Variants in ITPKB observed in about 807,000 individuals in gnomAD.
The protein encoded by ITPKB is inositol-trisphosphate 3-kinase B, also known as IP3 3-kinase B.
ITPKB carries 13 observed loss-of-function variants against 69.4 expected under a neutral mutation model. The observed-to-expected ratio is 0.19, with a 90% confidence interval of 0.12 to 0.30. ITPKB has a LOEUF of 0.30. Ranked by LOEUF, ITPKB falls within the 10% of genes least tolerant of loss-of-function variation. The probability of loss-of-function intolerance (pLI) is 1.00; values close to 1 mark genes in which losing one functional copy is unlikely to be tolerated. For synonymous variants in ITPKB, 584 were observed against 513.7 expected, an observed-to-expected ratio of 1.14 and a Z score of -1.85; for missense variants, 1,240 against 1,250.5, an observed-to-expected ratio of 0.99 and a Z score of 0.13.
intron 6 of ITPKB, among the ~76,000 whole-genome samples, chr1:226,638,834 G>T (rs1173262332): frequency 6.6e-6 from 1 of 151,912 alleles, no homozygotes; most frequent in Non-Finnish European, 1.5e-5. Flanking sequence ...ATGACACCTG[G>T]CAGACGGCGG....
chr1:226,642,876 C>T lies in ITPKB; in HGVS notation c.2247-751G>A, dbSNP rs967550660. On this transcript the variant is annotated intron_variant, in intron 4 of 7. Coordinates refer to ENST00000429204, the MANE Select transcript of ITPKB (RefSeq NM_002221.4). This position sits in a 1 kb window ranked among gnomAD's most constrained non-coding sequence, Gnocchi z 6.4. ...TGCCCATAAGTGTCTCTGGCTCTTT[C>T]CAAAGAGGTGAAATCTTCTGGAGCA... 6.6e-6 allele frequency among the ~76,000 whole-genome samples: 1 copy of T among 152,198 alleles called. No homozygotes were observed. Among genetic ancestry groups the T allele is most frequent in the Non-Finnish European group, 1.5e-5 (1 of 68,020 alleles).
chr1:226,684,959 C>T (rs1470321129), intron 2 of ITPKB, among the ~76,000 whole-genome samples: 1 of 152,162 alleles, frequency 6.6e-6, no homozygotes, highest in Non-Finnish European at 1.5e-5. Flanking sequence ...GATGCTGAAC[C>T]CACAATCAGC....
rs1267858750 is a variant in ITPKB at position 226,721,181 on chromosome 1, T to TA, written c.1932+14345dup. Among the ~76,000 whole-genome samples the TA allele has an allele frequency of 7.5e-4, 106 of 141,862 alleles. 1 individual carries two copies. Among genetic ancestry groups the TA allele is most frequent in the South Asian group, 1.1e-3 (5 of 4,462 alleles). 93.1% of individuals were successfully genotyped at this position (141,862 alleles called of 152,430 possible). A position where few individuals can be genotyped will look rare whatever the true frequency, so the allele number is the denominator to read the frequency against. ...CAACATGGAGAAACCCCGTCTCTAC[T>TA]AAAAAAAAAATACAAAATTAGCCAG... On this transcript the variant is annotated intron_variant, in intron 2 of 7. Coordinates refer to ENST00000429204, the MANE Select transcript of ITPKB (RefSeq NM_002221.4).
intron 7 of ITPKB, among the ~76,000 whole-genome samples, chr1:226,635,364 G>A (rs1207003608): frequency 6.6e-6 from 1 of 152,116 alleles, no homozygotes; most frequent in Non-Finnish European, 1.5e-5. Flanking sequence ...GGGACTACAG[G>A]CATGCACCAC....
chr1:226,712,851 A>G (rs1452896318), intron 2 of ITPKB, among the ~76,000 whole-genome samples: 1 of 152,066 alleles, frequency 6.6e-6, no homozygotes, highest in Non-Finnish European at 1.5e-5. Context: ...TTGGGGAGGG[A>G]GGAAACACAC....
At chr1:226,670,405 C>T (rs777990788) in intron 2 of ITPKB, among the ~76,000 whole-genome samples, 3 of 152,046 alleles carry the variant, frequency 2.0e-5, no homozygotes, top group Admixed American at 6.6e-5. Context: ...CTCCAAAAAA[C>T]GGAAAAAGTT....
chr1:226,667,420 C>T lies in ITPKB; in HGVS notation c.1933-18649G>A, dbSNP rs573409357. The stretch of plus-strand genomic sequence containing the variant: ...CTTACTGTGGGGTCTGGCTTAAGGG[C>T]GGGGTTTCTGAAGCAGAAAGGTAAG... On this transcript the variant is annotated intron_variant, in intron 2 of 7. Coordinates refer to ENST00000429204, the MANE Select transcript of ITPKB (RefSeq NM_002221.4). Among the ~76,000 whole-genome samples, 7 of 152,242 alleles carry T rather than the reference C, an allele frequency of 4.6e-5. No individual in the cohort carries two copies. In the East Asian group the frequency reaches 1.4e-3, roughly 29 times the overall value.
At chr1:226,675,979 A>C (rs73100937) in intron 2 of ITPKB, 1 of 152,104 alleles carries the variant, frequency 6.6e-6, no homozygotes, top group African/African-American at 2.4e-5. Context: ...CTAAATAACC[A>C]AAGTGGGGGG....
chr1:226,665,443 T>C (rs1159564826), intron 2 of ITPKB, among the ~76,000 whole-genome samples: 1 of 152,080 alleles, frequency 6.6e-6, no homozygotes, highest in Non-Finnish European at 1.5e-5. Context: ...TCCCCAAAAC[T>C]GTAGGGAGGA....
At chr1:226,726,228 C>T (rs1466615259) in intron 2 of ITPKB, among the ~76,000 whole-genome samples, 3 of 152,212 alleles carry the variant, frequency 2.0e-5, no homozygotes, top group Non-Finnish European at 2.9e-5. Context: ...CTTTCAAGCA[C>T]GTTCACTTGT....
chr1:226,640,605 A>G (rs370460628), intron 5 of ITPKB, among the ~76,000 whole-genome samples: 5 of 152,326 alleles, frequency 3.3e-5, no homozygotes, highest in African/African-American at 1.2e-4. Flanking sequence ...ACGGCTGGAC[A>G]ATAGACAGAG....
At chr1:226,638,128 T>C (rs1668877986) in intron 6 of ITPKB, among the ~76,000 whole-genome samples, 1 of 152,202 alleles carries the variant, frequency 6.6e-6, no homozygotes, top group African/African-American at 2.4e-5. Flanking sequence ...ACAGAGTTCC[T>C]CAATGCCTGC....
rs181061289 is a variant in ITPKB, at chr1:226,721,390, G to A, written c.1932+14137C>T. ...AAAAAGAAATAAAAGAAATATTGAT[G>A]AGCCAGGACTCCTCCATCCTATCCT... On this transcript the variant is annotated intron_variant, in intron 2 of 7. Coordinates refer to ENST00000429204, the MANE Select transcript of ITPKB (RefSeq NM_002221.4). Among the ~76,000 whole-genome samples the A allele has an allele frequency of 7.2e-3, 1,081 of 150,090 alleles. 4 individuals are homozygous for A. The highest frequency in any genetic ancestry group is 0.011 in the Non-Finnish European group (759 of 67,604).
intron 2 of ITPKB, among the ~76,000 whole-genome samples, chr1:226,718,805 A>T (rs1047596528): frequency 1.3e-5 from 2 of 152,214 alleles, no homozygotes; most frequent in Non-Finnish European, 2.9e-5. Flanking sequence ...GCAGTGTGGC[A>T]GTTTCGTAAA....
At chr1:226,679,822 C>A (rs1656034342) in intron 2 of ITPKB, among the ~76,000 whole-genome samples, 1 of 152,142 alleles carries the variant, frequency 6.6e-6, no homozygotes, top group Non-Finnish European at 1.5e-5. Flanking sequence ...GCTCTAAATT[C>A]GATTTTGCTG....
At chr1:226,638,304 G>T (rs1218629229) in intron 6 of ITPKB, among the ~76,000 whole-genome samples, 1 of 152,230 alleles carries the variant, frequency 6.6e-6, no homozygotes, top group Non-Finnish European at 1.5e-5. Context: ...GGCTACGAAA[G>T]AGTCAGGCAC....
chr1:226,734,246 T>C lies in ITPKB; in HGVS notation c.1932+1281A>G, dbSNP rs796116508. On this transcript the variant is annotated intron_variant, in intron 2 of 7. Transcript: ENST00000429204. ...AATGCCAGGCTGATTGGGGCGATTT[T>C]GCATACACATTTGCCTCCAGATCAT... Among the ~76,000 whole-genome samples, 15 of 152,354 alleles carry C rather than the reference T, an allele frequency of 9.8e-5. 1 individual carries two copies. Among genetic ancestry groups the C allele is most frequent in the African/African-American group, 3.4e-4 (14 of 41,590 alleles).
rs890223697 is a variant in ITPKB at position 226,722,762 on chromosome 1, C to T, written c.1932+12765G>A. ...GGGCTTGGGGAGGTGTTAGGGCAGG[C>T]TGAGCCTGAGACACATATGTCTAGA... is the stretch of plus-strand genomic sequence containing the variant. On this transcript the variant is annotated intron_variant, in intron 2 of 7. Coordinates refer to ENST00000429204, the MANE Select transcript of ITPKB (RefSeq NM_002221.4). 3.9e-5 allele frequency among the ~76,000 whole-genome samples: 6 copies of T among 152,280 alleles called. No homozygotes were observed. The East Asian group carries it at 1.2e-3, about 29-fold the overall frequency.
chr1:226,665,175 C>T (rs1330367628), intron 2 of ITPKB, among the ~76,000 whole-genome samples: 1 of 152,228 alleles, frequency 6.6e-6, no homozygotes, highest in African/African-American at 2.4e-5. Context: ...CTGCCTGGGG[C>T]TGAGCAGCAG....
Sources: allele counts gnomAD v4.1 joint callset (sites outside exome capture counted in the v4.1 genomes callset), GRCh38; gene constraint gnomAD v4.1.1; non-coding constraint Gnocchi (gnomAD v3.1); transcripts MANE v1.5; gene names NCBI Gene and HGNC (gene_info 2026-07-23, HGNC 2026-07-21).